SCGB2B2: variants seen among roughly 807,000 people sequenced by gnomAD.
The protein encoded by SCGB2B2 is secretoglobin-like protein.
A neutral mutation model predicts 7.6 loss-of-function variants in SCGB2B2; 11 were observed. The ratio of observed to expected loss-of-function variants is 1.45; its 90% CI spans 0.91 to 2.40. The LOEUF is 2.40. SCGB2B2 is among the 30% of genes most tolerant of loss of function. SCGB2B2 has a pLI of 0.00. For missense variants in SCGB2B2, 104 were observed against 115.4 expected (o/e 0.90, Z 0.45); for synonymous variants, 50 against 48.6 (o/e 1.03, Z -0.12).
chr19:34,639,908 T>C lies in SCGB2B2; in HGVS notation c.-2032+35722A>G, dbSNP rs116504591. Among the ~76,000 whole-genome samples the C allele has an allele frequency of 4.8e-3, 735 of 152,120 alleles. 11 individuals carry two copies. Among genetic ancestry groups the C allele is most frequent in the African/African-American group, 0.017 (708 of 41,486 alleles). ...GAGACTAAGATAAGCTAGTTTCTAC[T>C]GAGGAAAGGTTCCAGTGGGGTTCCT... On this transcript the variant is annotated intron_variant, in intron 1 of 3. Transcript: ENST00000601241.
intron 1 of SCGB2B2, among the ~76,000 whole-genome samples, chr19:34,621,825 G>A (rs2066250099): frequency 6.6e-6 from 1 of 152,104 alleles, no homozygotes; most frequent in Non-Finnish European, 1.5e-5. Context: ...GGTTTTCTAG[G>A]GGAGTTTCTT....
intron 1 of SCGB2B2, among the ~76,000 whole-genome samples, chr19:34,615,485 T>G (rs1392896128): frequency 6.6e-6 from 1 of 151,728 alleles, no homozygotes; most frequent in East Asian, 1.9e-4. Context: ...TGAGTTTCTG[T>G]GCTCATTAGA....
intron 1 of SCGB2B2, among the ~76,000 whole-genome samples, chr19:34,624,733 C>G (rs1473874242): frequency 6.6e-6 from 1 of 152,130 alleles, no homozygotes; most frequent in Admixed American, 6.5e-5. Context: ...CTTCTTCCAG[C>G]CCCACATGAT....
chr19:34,630,386 G>C (rs1490194673), intron 1 of SCGB2B2, among the ~76,000 whole-genome samples: 1 of 151,678 alleles, frequency 6.6e-6, no homozygotes, highest in Non-Finnish European at 1.5e-5. Context: ...CTAATATCCA[G>C]AATTTACAAT....
chr19:34,641,758 A>G (rs1479922109), intron 1 of SCGB2B2, among the ~76,000 whole-genome samples: 1 of 152,210 alleles, frequency 6.6e-6, no homozygotes, highest in African/African-American at 2.4e-5. Flanking sequence ...AAGTTCCAGC[A>G]CTAGAAACAA....
chr19:34,668,050 G>A (rs1231710325), intron 1 of SCGB2B2, among the ~76,000 whole-genome samples: 1 of 152,224 alleles, frequency 6.6e-6, no homozygotes, highest in Non-Finnish European at 1.5e-5. Context: ...CGCAGCCCTC[G>A]CTCTCTCTCG....
chr19:34,626,863 G>A (rs1262484577), intron 1 of SCGB2B2, among the ~76,000 whole-genome samples: 1 of 152,208 alleles, frequency 6.6e-6, no homozygotes, highest in African/African-American at 2.4e-5. Context: ...AGAGAGAAAG[G>A]TCGGGTTACC....
At chr19:34,597,331 G>A (rs2145757371) in intron 1 of SCGB2B2, among the ~76,000 whole-genome samples, 1 of 152,078 alleles carries the variant, frequency 6.6e-6, no homozygotes, top group East Asian at 2.0e-4. Context: ...ACCAGATCGT[G>A]CACTTTCTAT....
intron 1 of SCGB2B2, among the ~76,000 whole-genome samples, chr19:34,624,091 T>C: frequency 6.6e-6 from 1 of 152,328 alleles, no homozygotes; most frequent in East Asian, 1.9e-4. Flanking sequence ...TGCTAGGTGT[T>C]GTGGCAATAA....
chr19:34,618,774 TG>T (rs1280918025), intron 1 of SCGB2B2, among the ~76,000 whole-genome samples: 1 of 152,230 alleles, frequency 6.6e-6, no homozygotes, highest in Non-Finnish European at 1.5e-5. Flanking sequence ...CTCTTATTTT[TG>T]GTGGAAAAGA....
At chr19:34,604,811 G>T (rs561328102) in intron 1 of SCGB2B2, among the ~76,000 whole-genome samples, 1 of 152,144 alleles carries the variant, frequency 6.6e-6, no homozygotes, top group East Asian at 1.9e-4. Context: ...CTATTAAGTT[G>T]TTCCTAATTG....
At chr19:34,632,560 A>G (rs147224951) in intron 1 of SCGB2B2, among the ~76,000 whole-genome samples, 10 of 152,354 alleles carry the variant, frequency 6.6e-5, no homozygotes, top group African/African-American at 2.4e-4. Flanking sequence ...ACCACTACAC[A>G]CCAAATGAGA....
intron 1 of SCGB2B2, among the ~76,000 whole-genome samples, chr19:34,634,228 A>AG (rs1253202919): frequency 6.6e-6 from 1 of 152,180 alleles, no homozygotes; most frequent in Non-Finnish European, 1.5e-5. Context: ...TCTATGAATC[A>AG]CATGCAGTAT....
In SCGB2B2 at chr19:34,592,882, T is replaced by C. The variant is rs2065335376; in HGVS notation, c.*673A>G. On this transcript the variant is annotated 3_prime_UTR_variant, in exon 4 of 4. Transcript: ENST00000601241. ...TTGTGACTTAGCCAGGAGGGTGTGA[T>C]TTCCCAGCCTCCAGCATCCCGAGTC... 6.6e-6 allele frequency among the ~76,000 whole-genome samples: 1 copy of C among 152,050 alleles called. No homozygotes were observed. Among genetic ancestry groups the C allele is most frequent in the Non-Finnish European group, 1.5e-5 (1 of 67,986 alleles).
chr19:34,642,026 G>T (rs566047366), intron 1 of SCGB2B2, among the ~76,000 whole-genome samples: 1 of 152,294 alleles, frequency 6.6e-6, no homozygotes, highest in East Asian at 1.9e-4. Flanking sequence ...CAGCAAGCAG[G>T]GTCTCCAATG....
At chr19:34,598,496 T>C (rs1279275079) in intron 1 of SCGB2B2, among the ~76,000 whole-genome samples, 2 of 151,428 alleles carry the variant, frequency 1.3e-5, no homozygotes, top group Non-Finnish European at 2.9e-5. Flanking sequence ...TTTGAGGAAC[T>C]TGGGCATCCT....
At chr19:34,620,613 T>C (rs926362415) in intron 1 of SCGB2B2, among the ~76,000 whole-genome samples, 1 of 152,062 alleles carries the variant, frequency 6.6e-6, no homozygotes, top group Non-Finnish European at 1.5e-5. Flanking sequence ...CATGTATACA[T>C]ATGTAACAAA....
At chr19:34,625,617 C>G (rs2066351657) in intron 1 of SCGB2B2, among the ~76,000 whole-genome samples, 1 of 152,206 alleles carries the variant, frequency 6.6e-6, no homozygotes, top group Non-Finnish European at 1.5e-5. Context: ...AACAAAGCAG[C>G]CAGGAAGCTC....
chr19:34,660,506 T>C (rs1267941427), intron 1 of SCGB2B2, among the ~76,000 whole-genome samples: 2 of 152,210 alleles, frequency 1.3e-5, no homozygotes, highest in Non-Finnish European at 2.9e-5. Context: ...AAAGAAGACA[T>C]TTATGCAGCC....
Sources: gnomAD v4.1 joint callset for allele counts (sites outside exome capture counted in the v4.1 genomes callset) on GRCh38, gnomAD v4.1.1 for gene constraint, MANE v1.5 for transcripts, NCBI Gene and HGNC (gene_info 2026-07-23, HGNC 2026-07-21) for gene names.